Variants in RANBP2 observed in about 807,000 individuals in gnomAD.
The protein encoded by RANBP2 is RAN binding protein 2.
In RANBP2, 57 loss-of-function variants were observed where a neutral mutation model predicts 303.6. That is an observed-to-expected ratio of 0.19 (90% CI 0.15 to 0.23). The LOEUF is 0.23. RANBP2 is among the 10% of genes least tolerant of loss of function. The probability of loss-of-function intolerance (pLI) is 1.00; values close to 1 mark genes in which losing one functional copy is unlikely to be tolerated. For missense variants in RANBP2, 3,138 were observed against 3,780.8 expected (o/e 0.83, Z 4.46); for synonymous variants, 1,167 against 1,301.5 (o/e 0.90, Z 2.23).
the RANBP2 span, among the ~76,000 whole-genome samples, chr2:109,398,088 C>T: frequency 6.6e-6 from 1 of 152,192 alleles, no homozygotes; most frequent in Non-Finnish European, 1.5e-5. Context: ...GAGCAGACTC[C>T]CCTGCCACAG....
the RANBP2 span, among the ~76,000 whole-genome samples, chr2:109,058,746 G>T: frequency 6.6e-6 from 1 of 152,196 alleles, no homozygotes; most frequent in African/African-American, 2.4e-5. Context: ...GAGTGGAATT[G>T]ATTGGGGTGC....
the RANBP2 span, among the ~76,000 whole-genome samples, chr2:109,274,919 A>G: frequency 6.6e-6 from 1 of 151,778 alleles, no homozygotes; most frequent in East Asian, 1.9e-4. Flanking sequence ...AACATTGTGA[A>G]TGTAGTAAAT....
chr2:109,518,851 G>A, the RANBP2 span, among the ~76,000 whole-genome samples: 2 of 150,818 alleles, frequency 1.3e-5, no homozygotes, highest in Non-Finnish European at 3.0e-5. Context: ...AATCGTGGCA[G>A]AAGCAGGCAT....
chr2:108,781,570 T>A, intron 26 of RANBP2, 141 bp downstream of exon 26: 1 of 738,442 alleles, frequency 1.4e-6, no homozygotes, highest in Non-Finnish European at 2.2e-6. Flanking sequence ...ATTAGATGTC[T>A]AGCCTTTAAG....
the RANBP2 span, among the ~76,000 whole-genome samples, chr2:109,443,353 C>T: frequency 6.6e-6 from 1 of 152,218 alleles, no homozygotes; most frequent in South Asian, 2.1e-4. Flanking sequence ...CCTATCGGCT[C>T]TATCCTCCTG....
chr2:109,118,521 G>C, the RANBP2 span, among the ~76,000 whole-genome samples: 3 of 149,876 alleles, frequency 2.0e-5, no homozygotes, highest in Admixed American at 1.3e-4. Context: ...CACACCAAGA[G>C]AGGTTTGTCC....
At chr2:109,078,949 C>A in the RANBP2 span, among the ~76,000 whole-genome samples, 1 of 151,770 alleles carries the variant, frequency 6.6e-6, no homozygotes, top group African/African-American at 2.4e-5. Context: ...CGAGATCGCA[C>A]AATTGCTTTC....
At chr2:109,707,196 G>A in the RANBP2 span, among the ~76,000 whole-genome samples, 1 of 152,298 alleles carries the variant, frequency 6.6e-6, no homozygotes, top group Admixed American at 6.5e-5. Flanking sequence ...GCAGGAAATT[G>A]ATGTTTACTC....
At chr2:109,593,241 T>G in the RANBP2 span, 19 of 552,768 alleles carry the variant, frequency 3.4e-5, no homozygotes, top group African/African-American at 2.9e-4. Flanking sequence ...CAAGTTTTGA[T>G]GTGTAGTCTA....
chr2:109,081,300 T>C, the RANBP2 span, among the ~76,000 whole-genome samples: 1 of 152,078 alleles, frequency 6.6e-6, no homozygotes, highest in African/African-American at 2.4e-5. Context: ...TCGAATTGAG[T>C]CCTAAGGCCA....
the RANBP2 span, among the ~76,000 whole-genome samples, chr2:109,262,829 CTTTT>C: frequency 6.6e-6 from 1 of 151,936 alleles, no homozygotes; most frequent in African/African-American, 2.4e-5. Flanking sequence ...ACAAGACTTT[CTTTT>C]TTCTTTTTTA....
the RANBP2 span, among the ~76,000 whole-genome samples, chr2:109,118,625 G>A: frequency 6.6e-6 from 1 of 151,574 alleles, no homozygotes; most frequent in African/African-American, 2.4e-5. Context: ...GGGTCTGTGG[G>A]CAGACCCCTG....
the RANBP2 span, among the ~76,000 whole-genome samples, chr2:108,843,365 C>T: frequency 2.6e-5 from 4 of 152,118 alleles, no homozygotes; most frequent in African/African-American, 9.7e-5. Flanking sequence ...GCCATGTTGG[C>T]CAGGCTGGTC....
chr2:108,896,996 G>A, the RANBP2 span: 1 of 1,613,668 alleles, frequency 6.2e-7, no homozygotes, highest in Non-Finnish European at 8.5e-7. Flanking sequence ...GCATCCAGCC[G>A]CTCAATCTGC....
the RANBP2 span, among the ~76,000 whole-genome samples, chr2:108,853,942 AATATACAATAAAT>A: frequency 2.4e-5 from 3 of 123,426 alleles, no homozygotes; most frequent in African/African-American, 9.4e-5. Flanking sequence ...ATTTATATAT[AATATACAATAAAT>A]ATATATAATA....
chr2:109,697,493 A>AG, the RANBP2 span, among the ~76,000 whole-genome samples: 4 of 152,130 alleles, frequency 2.6e-5, no homozygotes, highest in Admixed American at 6.6e-5. Context: ...CTTAAAAAAA[A>AG]AAAAAAAAGA....
chr2:108,829,457 A>AT, the RANBP2 span, among the ~76,000 whole-genome samples: 622 of 152,372 alleles, frequency 4.1e-3, 7 homozygotes, highest in African/African-American at 0.014. Flanking sequence ...TAGAATGTTT[A>AT]TTTAAAAAAT....
At chr2:109,611,474 C>T in the RANBP2 span, among the ~76,000 whole-genome samples, 1 of 151,060 alleles carries the variant, frequency 6.6e-6, no homozygotes, top group African/African-American at 2.4e-5. Flanking sequence ...ACTTTAAACC[C>T]AACAGAAAAA....
chr2:108,742,914 G>A (rs1409899624), intron 7 of RANBP2, among the ~76,000 whole-genome samples: 3 of 151,622 alleles, frequency 2.0e-5, no homozygotes, highest in East Asian at 2.0e-4. Flanking sequence ...TCAGCCTCCC[G>A]AGTAGCTGGG....
Sources: gnomAD v4.1 joint callset for allele counts (sites outside exome capture counted in the v4.1 genomes callset) on GRCh38, gnomAD v4.1.1 for gene constraint, MANE v1.5 for transcripts, NCBI Gene and HGNC (gene_info 2026-07-23, HGNC 2026-07-21) for gene names.